Variants in CHST11 observed in about 807,000 individuals in gnomAD.
CHST11 encodes the protein carbohydrate sulfotransferase 11.
CHST11 carries 9 observed loss-of-function variants against 30.4 expected under a neutral mutation model. The ratio of observed to expected loss-of-function variants is 0.30; its 90% CI spans 0.18 to 0.52. The LOEUF is 0.52. Ranked by LOEUF, CHST11 falls within the 20% of genes least tolerant of loss-of-function variation. The pLI is 0.97. For synonymous variants in CHST11, 152 were observed against 187.8 expected (o/e 0.81, Z 1.56); for missense variants, 348 against 460.6 (o/e 0.76, Z 2.24).
intron 2 of CHST11, among the ~76,000 whole-genome samples, chr12:104,717,335 A>G (rs1427583015): frequency 1.3e-5 from 2 of 152,186 alleles, no homozygotes; most frequent in East Asian, 3.8e-4. Flanking sequence ...CCCCAAAACC[A>G]TTTTGAGAGG....
intron 1 of CHST11, among the ~76,000 whole-genome samples, chr12:104,474,840 T>C (rs1459919159): frequency 6.6e-6 from 1 of 152,208 alleles, no homozygotes; most frequent in East Asian, 1.9e-4. Context: ...ATGTAGATGT[T>C]GGCAGTTTTC....
intron 2 of CHST11, among the ~76,000 whole-genome samples, chr12:104,756,222 G>A (rs1326414923): frequency 2.0e-5 from 3 of 152,206 alleles, no homozygotes; most frequent in Non-Finnish European, 4.4e-5. Flanking sequence ...CCACCACTCC[G>A]TGAAGGTCTC....
In CHST11 at chr12:104,757,456, G is replaced by A. The variant is rs758294420; in HGVS notation, c.712G>A (p.Glu238Lys). The change falls in exon 3 of 3, where the codon GAG (glutamate) becomes AAG (lysine). Residue 238 changes from glutamate to lysine, a missense_variant. By Grantham distance (56) the Glu-to-Lys change is moderately conservative. Transcript: ENST00000303694. The surrounding 1 kb of genome is among the most constrained non-coding windows in gnomAD (Gnocchi z 6.5). Reference sequence around the variant, plus strand: ...GCGCAAAGGGGACGATGTCAAATTCGAGGAGTTTGTGGCCTATCTCATCGA... The same window carrying A: ...GCGCAAAGGGGACGATGTCAAATTCAAGGAGTTTGTGGCCTATCTCATCGA... ...ALRKGDDVKF[E>K]EFVAYLIDPH... The A allele has an allele frequency of 7.4e-6, 12 of 1,613,894 alleles. No individual in the cohort carries two copies. In the Admixed American group the frequency reaches 1.0e-4, roughly 13 times the overall value.
intron 1 of CHST11, among the ~76,000 whole-genome samples, chr12:104,551,264 A>G (rs1357377916): frequency 6.6e-6 from 1 of 152,202 alleles, no homozygotes; most frequent in Non-Finnish European, 1.5e-5. Context: ...CTATTTTCAC[A>G]TTAAGACCCA....
Position 104,667,977 on chromosome 12 carries a change from T to C in CHST11, c.204+65986T>C, listed in dbSNP as rs75666994. Among the ~76,000 whole-genome samples the C allele has an allele frequency of 8.1e-3, 1,228 of 152,304 alleles. 12 individuals are homozygous for C. Among genetic ancestry groups the C allele is most frequent in the Non-Finnish European group, 0.014 (923 of 68,034 alleles). On this transcript the variant is annotated intron_variant, in intron 2 of 2. Transcript: ENST00000303694. ...TTGAAACCACTAATTCTAAAGGAAC[T>C]GGATTCATGGGGTTTTGTCTTTAGG...
intron 2 of CHST11, among the ~76,000 whole-genome samples, chr12:104,703,037 A>G (rs1186223567): frequency 6.6e-6 from 1 of 152,050 alleles, no homozygotes; most frequent in African/African-American, 2.4e-5. Flanking sequence ...AATCACACGC[A>G]ATGCTGGCTT....
At chr12:104,525,532 A>T (rs1295075610) in intron 1 of CHST11, among the ~76,000 whole-genome samples, 1 of 152,146 alleles carries the variant, frequency 6.6e-6, no homozygotes, top group Non-Finnish European at 1.5e-5. Flanking sequence ...TACCTGTGTG[A>T]CTTGGGGCAA....
rs11112103 is a variant in CHST11, at chr12:104,566,984, C to G, written c.119-34922C>G. On this transcript the variant is annotated intron_variant, in intron 1 of 2. Transcript: ENST00000303694. Reference sequence around the variant, plus strand: ...AGGTGAATGAATATAAATATATATACACACACATGTATATGTAAATTTTAT... The same window carrying G: ...AGGTGAATGAATATAAATATATATAGACACACATGTATATGTAAATTTTAT... 0.017 allele frequency among the ~76,000 whole-genome samples: 2,549 copies of G among 152,102 alleles called. 144 individuals carry two copies. In the East Asian group the frequency reaches 0.17, roughly 10 times the overall value.
intron 2 of CHST11, among the ~76,000 whole-genome samples, chr12:104,713,561 G>A (rs925019766): frequency 2.6e-5 from 4 of 152,086 alleles, no homozygotes; most frequent in South Asian, 4.1e-4. Context: ...CGTGAGTTTC[G>A]AATGGCAGCT....
chr12:104,539,476 G>T (rs2038267599), intron 1 of CHST11, among the ~76,000 whole-genome samples: 1 of 152,188 alleles, frequency 6.6e-6, no homozygotes. Flanking sequence ...TCTGTATGGG[G>T]ATACGATGAA....
intron 1 of CHST11, among the ~76,000 whole-genome samples, chr12:104,571,885 C>T (rs2038629735): frequency 6.6e-6 from 1 of 152,134 alleles, no homozygotes; most frequent in Non-Finnish European, 1.5e-5. Flanking sequence ...TGAGATACGT[C>T]CCATCAATAC....
At chr12:104,692,775 A>G (rs2039908468) in intron 2 of CHST11, among the ~76,000 whole-genome samples, 2 of 152,064 alleles carry the variant, frequency 1.3e-5, no homozygotes, top group Admixed American at 1.3e-4. Flanking sequence ...ATATGCAAGG[A>G]TCTAGGTTGC....
chr12:104,468,591 G>A (rs769679474), intron 1 of CHST11, among the ~76,000 whole-genome samples: 13 of 152,326 alleles, frequency 8.5e-5, no homozygotes, highest in Admixed American at 3.9e-4. Flanking sequence ...GACATTCTGC[G>A]AAGGGTGGGA....
At chr12:104,683,287 C>CAG (rs1015247513) in intron 2 of CHST11, among the ~76,000 whole-genome samples, 4 of 152,126 alleles carry the variant, frequency 2.6e-5, no homozygotes, top group African/African-American at 9.7e-5. Context: ...CACCCCAAAA[C>CAG]AGAGAGAGAG....
intron 1 of CHST11, among the ~76,000 whole-genome samples, chr12:104,486,309 T>C: frequency 6.6e-6 from 1 of 152,150 alleles, no homozygotes; most frequent in East Asian, 1.9e-4. Context: ...GTGTGATTTT[T>C]TTTTTTTTTT....
chr12:104,650,826 A>G (rs982680513), intron 2 of CHST11, among the ~76,000 whole-genome samples: 11 of 152,246 alleles, frequency 7.2e-5, no homozygotes, highest in Admixed American at 5.9e-4. Flanking sequence ...TTCCTCAGCC[A>G]GCATTGCTAA....
chr12:104,522,661 G>A (rs1340411266), intron 1 of CHST11, among the ~76,000 whole-genome samples: 2 of 151,996 alleles, frequency 1.3e-5, no homozygotes, highest in Non-Finnish European at 2.9e-5. Context: ...TAGACGTGGC[G>A]GGTGGAGGGC....
intron 2 of CHST11, among the ~76,000 whole-genome samples, chr12:104,628,992 G>T (rs1443270914): frequency 6.6e-6 from 1 of 152,198 alleles, no homozygotes; most frequent in Non-Finnish European, 1.5e-5. Context: ...GACAAGCTGG[G>T]AGCCTCAGGG....
At chr12:104,617,686 T>C (rs2039121812) in intron 2 of CHST11, among the ~76,000 whole-genome samples, 1 of 152,230 alleles carries the variant, frequency 6.6e-6, no homozygotes, top group Admixed American at 6.5e-5. Context: ...CTGTGGGTTC[T>C]CAGAGTCAGG....
Sources: allele counts gnomAD v4.1 joint callset (sites outside exome capture counted in the v4.1 genomes callset), GRCh38; gene constraint gnomAD v4.1.1; non-coding constraint Gnocchi (gnomAD v3.1); transcripts MANE v1.5; gene names NCBI Gene and HGNC (gene_info 2026-07-23, HGNC 2026-07-21).